SDK2: variants seen among roughly 807,000 people sequenced by gnomAD.
SDK2 encodes sidekick cell adhesion molecule 2.
Under a neutral mutation model 253.9 loss-of-function variants are expected in SDK2, and 105 were observed. The observed-to-expected ratio is 0.41, with a 90% CI of 0.35 to 0.49. The LOEUF is 0.49. Among genes scored for constraint, SDK2 ranks in the 20% least tolerant of loss-of-function variants. The probability of loss-of-function intolerance (pLI) is 0.06; values close to 1 mark genes in which losing one functional copy is unlikely to be tolerated. For missense variants in SDK2, 2,608 were observed against 3,003.0 expected (o/e 0.87, Z 3.07); for synonymous variants, 1,249 against 1,234.9 (o/e 1.01, Z -0.24).
At chr17:73,533,410 C>T (rs2064186308) in intron 1 of SDK2, among the ~76,000 whole-genome samples, 1 of 152,234 alleles carries the variant, frequency 6.6e-6, no homozygotes, top group African/African-American at 2.4e-5. Context: ...TCTGTCTGGT[C>T]ATTGGGCAGT....
chr17:73,532,551 G>A (rs138033342), intron 1 of SDK2, among the ~76,000 whole-genome samples: 31 of 152,306 alleles, frequency 2.0e-4, no homozygotes, highest in African/African-American at 7.0e-4. Flanking sequence ...GAGCCAGGGC[G>A]GATGCAACCA....
intron 12 of SDK2, among the ~76,000 whole-genome samples, chr17:73,424,967 C>T (rs1472851463): frequency 6.6e-6 from 1 of 152,198 alleles, no homozygotes; most frequent in Non-Finnish European, 1.5e-5. Context: ...CACCGGTAAT[C>T]CCAGCACTTT....
chr17:73,350,606 T>G (rs369215097), intron 42 of SDK2, 44 bp downstream of exon 42: 1 of 1,584,848 alleles, frequency 6.3e-7, no homozygotes, highest in African/African-American at 1.4e-5. Flanking sequence ...AGGAGATACA[T>G]AAAACTCAAG....
rs937364517 is a variant in SDK2, at chr17:73,435,580, G to C, written c.1065C>G (p.Thr355=). The change falls in exon 9 of 45, where the codon ACC becomes ACG. Residue 355 remains threonine, a synonymous_variant. Transcript: ENST00000392650. The surrounding 1 kb of genome is among the most constrained non-coding windows in gnomAD (Gnocchi z 5.7). ...DAAVVEVEKL[T]RFRQRNDGGL... is the part of the protein sequence containing the mutation. ...CCCCGTCGTTGCGCTGCCGGAAGCG[G>C]GTCAACTTCTCCACCTCCACCACGG... The C allele has an allele frequency of 2.5e-6, 4 of 1,582,214 alleles. No homozygotes were observed. Among genetic ancestry groups the C allele is most frequent in the South Asian group, 2.3e-5 (2 of 86,286 alleles).
At chr17:73,627,771 G>A (rs1004175638) in intron 1 of SDK2, among the ~76,000 whole-genome samples, 2 of 152,166 alleles carry the variant, frequency 1.3e-5, no homozygotes, top group Admixed American at 6.5e-5. Context: ...ACATTTGGCC[G>A]GGCGCAGTGG....
intron 44 of SDK2, 34 bp downstream of exon 44, chr17:73,348,565 C>A: frequency 1.9e-6 from 3 of 1,605,600 alleles, no homozygotes; most frequent in East Asian, 2.2e-5. Context: ...CTGCTCCCTG[C>A]CCCCTGCAGG....
chr17:73,481,084 G>T lies in SDK2; in HGVS notation c.225-8866C>A, dbSNP rs2063720372. On this transcript the variant is annotated intron_variant, in intron 2 of 44. Coordinates refer to ENST00000392650, the MANE Select transcript of SDK2 (RefSeq NM_001144952.2). The surrounding 1 kb of genome is among the most constrained non-coding windows in gnomAD (Gnocchi z 4.5). ...AGGGGAGGCAGCAGCCTCAGGAGGG[G>T]AAGGGTTAGGGGAAGATCCGGAATT... 6.6e-6 allele frequency among the ~76,000 whole-genome samples: 1 copy of T among 152,206 alleles called. No individual in the cohort carries two copies. The highest frequency in any genetic ancestry group is 1.5e-5 in the Non-Finnish European group (1 of 68,044).
chr17:73,380,959 T>TGGGGGTGCCGGGGC lies in SDK2; in HGVS notation c.4706-23_4706-10dup. The TGGGGGTGCCGGGGC allele has an allele frequency of 1.7e-6, 1 of 592,200 alleles. No individual in the cohort carries two copies. The allele number at this position is 592,200 out of a possible 1,614,324, so 36.7% of individuals were successfully genotyped here. On this transcript the variant is annotated splice_polypyrimidine_tract_variant and intron_variant, in intron 33 of 44. Transcript: ENST00000392650. Reference sequence around the variant, plus strand: ...CCGCATGGAGTACATGGCTATGGGGTGGGGGTGCCGGGGCGGGGGCGCAGA... The same window carrying TGGGGGTGCCGGGGC: ...CCGCATGGAGTACATGGCTATGGGGTGGGGGTGCCGGGGCGGGGGTGCCGGGGCGGGGGCGCAGA...
In SDK2 at chr17:73,435,377, C is replaced by T. The variant is rs769084630; in HGVS notation, c.1195+73G>A. 1.2e-5 allele frequency: 17 copies of T among 1,427,884 alleles called. No homozygotes were observed. Among genetic ancestry groups the T allele is most frequent in the East Asian group, 2.5e-5 (1 of 39,916 alleles). The allele number at this position is 1,427,884 out of a possible 1,614,324, so 88.5% of individuals were successfully genotyped here. A position where few individuals can be genotyped will look rare whatever the true frequency, so the allele number is the denominator to read the frequency against. On this transcript the variant is annotated intron_variant, in intron 9 of 44. Coordinates refer to ENST00000392650, the MANE Select transcript of SDK2 (RefSeq NM_001144952.2). The surrounding 1 kb of genome is among the most constrained non-coding windows in gnomAD (Gnocchi z 5.7). ...AACGTGCTATGCACAAGAGGCCCCT[C>T]GGAAGACCTTGGAAGAAAGCTGCGT...
chr17:73,538,679 T>C (rs2044819004), intron 1 of SDK2, among the ~76,000 whole-genome samples: 1 of 152,176 alleles, frequency 6.6e-6, no homozygotes, highest in Non-Finnish European at 1.5e-5. Context: ...AGAAACATCA[T>C]GATTCCTCTG....
At position 73,338,958 on chromosome 17, in the gene SDK2, CA is replaced by C; in HGVS notation, c.6166-19del. ...TCACTTCCCTGGGAGGACAGAGAAT[CA>C]GGGTGTGTCAGTGGCCCCGTAGGGA... On this transcript the variant is annotated intron_variant, in intron 44 of 44. Transcript: ENST00000392650. The surrounding 1 kb of genome is among the most constrained non-coding windows in gnomAD (Gnocchi z 5.0). 6.2e-7 allele frequency: 1 copy of C among 1,609,440 alleles called. No homozygotes were observed. Among genetic ancestry groups the C allele is most frequent in the South Asian group, 1.1e-5 (1 of 90,936 alleles).
intron 1 of SDK2, among the ~76,000 whole-genome samples, chr17:73,553,861 C>T (rs917421418): frequency 6.6e-6 from 1 of 152,162 alleles, no homozygotes; most frequent in Non-Finnish European, 1.5e-5. Context: ...GGTTTCCCTA[C>T]TCCCTCCCTA....
intron 9 of SDK2, among the ~76,000 whole-genome samples, chr17:73,434,115 G>A (rs984438987): frequency 6.6e-6 from 1 of 152,240 alleles, no homozygotes; most frequent in Non-Finnish European, 1.5e-5. Context: ...GGATTCTCAG[G>A]CCTGCATTTG....
intron 1 of SDK2, chr17:73,517,137 G>A (rs1391149214): frequency 6.6e-6 from 1 of 152,248 alleles, no homozygotes; most frequent in South Asian, 2.1e-4. Flanking sequence ...CACAGAGCCT[G>A]AGACAAAGAA....
chr17:73,371,663 G>T (rs2062735209), intron 36 of SDK2, among the ~76,000 whole-genome samples: 1 of 152,048 alleles, frequency 6.6e-6, no homozygotes, highest in Admixed American at 6.6e-5. Flanking sequence ...ACAACTGGAA[G>T]AAAATGTGAG....
chr17:73,410,082 G>A (rs1476345651), intron 18 of SDK2, among the ~76,000 whole-genome samples: 1 of 152,110 alleles, frequency 6.6e-6, no homozygotes, highest in Non-Finnish European at 1.5e-5. Context: ...TCAAACTCCT[G>A]GGCTCAAGAG....
chr17:73,385,699 A>G (rs1256592773), intron 32 of SDK2, 148 bp downstream of exon 32: 7 of 710,142 alleles, frequency 9.9e-6, no homozygotes, highest in African/African-American at 8.8e-5. Context: ...TGACATGCAC[A>G]TGCCTGGATT....
chr17:73,393,435 C>T lies in SDK2; in HGVS notation c.3898+125G>A, dbSNP rs113802137. On this transcript the variant is annotated intron_variant, in intron 27 of 44. Transcript: ENST00000392650. ...GTAGCTCTGGGTGACCCATCCCTAC[C>T]GGAGGCATCTGAGGCCATGGCTCCC... is the stretch of plus-strand genomic sequence containing the variant. 1.4e-3 allele frequency: 1,119 copies of T among 787,282 alleles called. 7 individuals are homozygous for T. The African/African-American group carries it at 0.018, about 12-fold the overall frequency. The allele number at this position is 787,282 out of a possible 1,614,324, so 48.8% of individuals were successfully genotyped here.
chr17:73,632,029 C>T (rs566368664), intron 1 of SDK2, among the ~76,000 whole-genome samples: 1 of 152,312 alleles, frequency 6.6e-6, no homozygotes, highest in East Asian at 1.9e-4. Context: ...TGAAGAAGAA[C>T]CCAGACTACC....
Sources: gnomAD v4.1 joint callset for allele counts (sites outside exome capture counted in the v4.1 genomes callset) on GRCh38, gnomAD v4.1.1 for gene constraint, Gnocchi (gnomAD v3.1) non-coding constraint, MANE v1.5 for transcripts, NCBI Gene and HGNC (gene_info 2026-07-23, HGNC 2026-07-21) for gene names.